SORBS2: variants seen among roughly 807,000 people sequenced by gnomAD.
SORBS2 encodes the protein sorbin and SH3 domain-containing protein 2.
Under a neutral mutation model 97.7 loss-of-function variants are expected in SORBS2, and 46 were observed. The ratio of observed to expected loss-of-function variants is 0.47; its 90% confidence interval spans 0.37 to 0.60. The LOEUF is 0.60. Among genes scored for constraint, SORBS2 ranks in the 20% least tolerant of loss-of-function variants. The pLI is 0.00. For synonymous variants in SORBS2, 476 were observed against 473.4 expected (o/e 1.01, Z -0.07); for missense variants, 1,316 against 1,282.3 (o/e 1.03, Z -0.40).
intron 1 of SORBS2, among the ~76,000 whole-genome samples, chr4:185,655,156 G>C (rs986237531): frequency 6.6e-6 from 1 of 152,198 alleles, no homozygotes; most frequent in Non-Finnish European, 1.5e-5. Context: ...ACATGAGAGA[G>C]GGCAATCTGG....
chr4:185,838,319 G>T (rs775706795), intron 1 of SORBS2, among the ~76,000 whole-genome samples: 1 of 152,218 alleles, frequency 6.6e-6, no homozygotes, highest in Non-Finnish European at 1.5e-5. Context: ...ATCTCCTCAC[G>T]CTGTGGGTTG....
chr4:185,656,889 G>A, exon 1 of SORBS2: 3 of 1,265,458 alleles, frequency 2.4e-6, no homozygotes, highest in Non-Finnish European at 3.0e-6. Context: ...ATTAAAATGT[G>A]TATTTTTCTT....
chr4:185,751,189 A>AG (rs2098797253), intron 2 of SORBS2, among the ~76,000 whole-genome samples: 2 of 146,210 alleles, frequency 1.4e-5, no homozygotes, highest in African/African-American at 2.5e-5. Flanking sequence ...AAAAAAAAAA[A>AG]AAGAGAAAGA....
At chr4:185,772,209 C>G (rs2098975480) in intron 2 of SORBS2, 1 of 152,126 alleles carries the variant, frequency 6.6e-6, no homozygotes, top group Admixed American at 6.5e-5. Flanking sequence ...CCTTCCCAAC[C>G]GGGGACCATC....
intron 1 of SORBS2, among the ~76,000 whole-genome samples, chr4:185,947,813 G>T (rs6552940): frequency 0.54 from 81,312 of 151,960 alleles, 22,051 homozygotes; most frequent in East Asian, 0.66. Context: ...GTTTCACCAG[G>T]TTGGCCAGGC....
chr4:185,659,643 G>A (rs905633834), upstream of SORBS2, among the ~76,000 whole-genome samples: 2 of 151,780 alleles, frequency 1.3e-5, no homozygotes, highest in African/African-American at 2.4e-5. Context: ...GACTGGCCTC[G>A]ATCTCCTGAC....
At chr4:185,835,474 AT>A (rs1275361219) in intron 1 of SORBS2, among the ~76,000 whole-genome samples, 1 of 152,106 alleles carries the variant, frequency 6.6e-6, no homozygotes, top group South Asian at 2.1e-4. Flanking sequence ...AACTTATGAC[AT>A]TTTTTCCCCT....
chr4:185,925,761 C>T (rs1418836563), intron 1 of SORBS2, among the ~76,000 whole-genome samples: 3 of 151,964 alleles, frequency 2.0e-5, no homozygotes, highest in Admixed American at 2.0e-4. Context: ...AGTTACGATC[C>T]CATGGGTCAA....
At chr4:185,625,177 T>C (rs6833348) in intron 6 of SORBS2, among the ~76,000 whole-genome samples, 145,594 of 152,344 alleles carry the variant, frequency 0.96, 69,614 homozygotes, top group East Asian at 1. Context: ...CCTTTAACCT[T>C]TTATTAGGTA....
chr4:185,834,892 G>A (rs549138418), intron 1 of SORBS2, among the ~76,000 whole-genome samples: 150 of 152,244 alleles, frequency 9.9e-4, no homozygotes, highest in Non-Finnish European at 1.8e-3. Context: ...TTCTGATATG[G>A]CTTGGATCTG....
At position 185,706,775 on chromosome 4, in the gene SORBS2, T is replaced by C. The variant is rs566822194; in HGVS notation, c.-197-27953A>G. ...TTTATTTTAGTTGTTTTAATCTTTATAATGATATAATGCTGCATATAATTA... is the reference window on the plus strand; with the variant it reads ...TTTATTTTAGTTGTTTTAATCTTTACAATGATATAATGCTGCATATAATTA... On this transcript the variant is annotated intron_variant, in intron 2 of 20. Coordinates refer to the SORBS2 transcript ENST00000284776. Among the ~76,000 whole-genome samples, 3 of 152,348 alleles carry C rather than the reference T, an allele frequency of 2.0e-5. No individual in the cohort carries two copies. The South Asian group carries it at 6.2e-4, about 32-fold the overall frequency.
At chr4:185,633,480 T>G (rs2096940552) in intron 4 of SORBS2, among the ~76,000 whole-genome samples, 1 of 151,744 alleles carries the variant, frequency 6.6e-6, no homozygotes. Flanking sequence ...TGTTTTTTTT[T>G]TTTTGCCACT....
chr4:185,862,161 G>C (rs1057481521), intron 1 of SORBS2, among the ~76,000 whole-genome samples: 2 of 152,198 alleles, frequency 1.3e-5, no homozygotes, highest in African/African-American at 4.8e-5. Context: ...GCTTGCAAGT[G>C]CAAAAGAGAG....
At chr4:185,611,260 AC>A (rs1272597434) in intron 12 of SORBS2, among the ~76,000 whole-genome samples, 1 of 152,046 alleles carries the variant, frequency 6.6e-6, no homozygotes, top group African/African-American at 2.4e-5. Flanking sequence ...AGATTTGTCA[AC>A]CTAATAACCC....
At chr4:185,769,083 GA>G (rs201639277) in intron 2 of SORBS2, among the ~76,000 whole-genome samples, 7 of 138,176 alleles carry the variant, frequency 5.1e-5, no homozygotes, top group African/African-American at 1.1e-4. Context: ...TAGTACCAGG[GA>G]AAAAAAAAAG....
chr4:185,586,392 C>T (rs1359334088), exon 15 of SORBS2: 1 of 152,566 alleles, frequency 6.6e-6, no homozygotes, highest in African/African-American at 2.4e-5. Context: ...CTAATTTATT[C>T]CTAGGAAATA....
rs141564044 is a variant in SORBS2, at chr4:185,703,848, T to C, written c.-197-25026A>G. ...TAATTGTATCATTAACTTCAAATGA[T>C]TAAGAAAAGCAATCTGAATTAGGGA... On this transcript the variant is annotated intron_variant, in intron 2 of 20. Transcript: ENST00000284776. Among the ~76,000 whole-genome samples, 29 of 152,346 alleles carry C rather than the reference T, an allele frequency of 1.9e-4. No individual in the cohort carries two copies. The East Asian group carries it at 5.2e-3, about 27-fold the overall frequency.
At chr4:185,687,996 T>C (rs1039066882) in intron 2 of SORBS2, among the ~76,000 whole-genome samples, 3 of 152,120 alleles carry the variant, frequency 2.0e-5, no homozygotes, top group Non-Finnish European at 2.9e-5. Context: ...ACTCTTCCCC[T>C]GAGCTGCAAG....
At chr4:185,655,287 G>A (rs1165777722) in intron 1 of SORBS2, among the ~76,000 whole-genome samples, 2 of 152,188 alleles carry the variant, frequency 1.3e-5, no homozygotes, top group Admixed American at 6.5e-5. Context: ...TGTCTAAAAC[G>A]ATACTGCAGC....
Sources: allele counts gnomAD v4.1 joint callset (sites outside exome capture counted in the v4.1 genomes callset), GRCh38; gene constraint gnomAD v4.1.1; transcripts MANE v1.5; gene names NCBI Gene and HGNC (gene_info 2026-07-23, HGNC 2026-07-21).